The following GTF2H4 variants were observed in gnomAD, a reference collection of about 807,000 sequenced individuals.
GTF2H4 encodes general transcription factor IIH subunit 4.
A neutral mutation model predicts 62.2 loss-of-function variants in GTF2H4; 49 were observed. That is an observed-to-expected ratio of 0.79 (90% CI 0.63 to 1.00). GTF2H4 has a LOEUF of 1.00. Among genes scored for constraint, GTF2H4 ranks in the 50% least tolerant of loss-of-function variants. The pLI is 0.00. For synonymous variants in GTF2H4, 189 were observed against 233.8 expected, an observed-to-expected ratio of 0.81 and a Z score of 1.75; for missense variants, 479 against 587.8, an observed-to-expected ratio of 0.81 and a Z score of 1.91.
At position 30,913,223 on chromosome 6, in the gene GTF2H4, G is replaced by A; in HGVS notation, c.1137+66G>A. The A allele has an allele frequency of 1.2e-6, 2 of 1,612,680 alleles. No individual in the cohort carries two copies. Among genetic ancestry groups the A allele is most frequent in the Non-Finnish European group, 1.7e-6 (2 of 1,178,964 alleles). On this transcript the variant is annotated intron_variant, in intron 12 of 13. Coordinates refer to ENST00000259895, the MANE Select transcript of GTF2H4 (RefSeq NM_001517.5). This position sits in a 1 kb window ranked among gnomAD's most constrained non-coding sequence, Gnocchi z 4.2. ...GATGACATGATGGAAAAGAAAAAGG[G>A]GCATCCAAATCTGGGGAAGAAACAG... is the stretch of plus-strand genomic sequence containing the variant.
At position 30,912,478 on chromosome 6, in the gene GTF2H4, G is replaced by GTGGA. The variant is rs751433423; in HGVS notation, c.1089+21_1089+24dup. ...CAGCAGGTATTCCCACTTGGGAGAG[G>GTGGA]TGGAGCAGGAAGACAGGCTGCACTT... On this transcript the variant is annotated intron_variant, in intron 11 of 13. Transcript: ENST00000259895. This position sits in a 1 kb window ranked among gnomAD's most constrained non-coding sequence, Gnocchi z 4.8. 11 of 1,611,374 alleles carry GTGGA rather than the reference G, an allele frequency of 6.8e-6. 1 individual carries two copies. The highest frequency in any genetic ancestry group is 5.0e-5 in the Admixed American group (3 of 60,010).
Position 30,911,705 on chromosome 6 carries a change from A to C in GTF2H4, c.763A>C (p.Ser255Arg). 6.2e-7 allele frequency: 1 copy of C among 1,612,886 alleles called. No homozygotes were observed. Among genetic ancestry groups the C allele is most frequent in the Non-Finnish European group, 8.5e-7 (1 of 1,179,896 alleles). Residue 255 changes from serine (S) to arginine (R), a missense_variant, in exon 9 of 14, where the codon AGT becomes CGT. Transcript: ENST00000259895. This position sits in a 1 kb window ranked among gnomAD's most constrained non-coding sequence, Gnocchi z 4.3. ...LGKDYSVEGMSDSLLNFLQHL... is the reference protein window; with the variant it reads ...LGKDYSVEGMRDSLLNFLQHL... ...TCAGGATTACTCTGTGGAAGGTATGAGTGATTCTCTGTTGAACTTCCTGCA... is the reference window on the plus strand; with the variant it reads ...TCAGGATTACTCTGTGGAAGGTATGCGTGATTCTCTGTTGAACTTCCTGCA...
At position 30,911,985 on chromosome 6, in the gene GTF2H4, C is replaced by CTTCAG; in HGVS notation, c.826-29_826-28insTTCAG. On this transcript the variant is annotated intron_variant, in intron 9 of 13. Coordinates refer to ENST00000259895, the MANE Select transcript of GTF2H4 (RefSeq NM_001517.5). This position sits in a 1 kb window ranked among gnomAD's most constrained non-coding sequence, Gnocchi z 4.3. The stretch of plus-strand genomic sequence containing the variant: ...AGATGTAAGGCAGTGACTTCTGAGA[C>CTTCAG]AAGGCATCTGCCTTTCTATTCTTTT... The CTTCAG allele has an allele frequency of 1.2e-6, 2 of 1,609,936 alleles. No homozygotes were observed. The highest frequency in any genetic ancestry group is 1.7e-6 in the Non-Finnish European group (2 of 1,178,276).
chr6:30,912,222 G>C lies in GTF2H4; in HGVS notation c.958+76G>C. ...GCCAGTTTATGTTCGTGTTTACCTG[G>C]CAGTCTACAGAGCTCTCTGACATTT... On this transcript the variant is annotated intron_variant, in intron 10 of 13. Transcript: ENST00000259895. The surrounding 1 kb of genome is among the most constrained non-coding windows in gnomAD (Gnocchi z 4.8). 1 of 1,601,728 alleles carries C rather than the reference G, an allele frequency of 6.2e-7. No individual in the cohort carries two copies. The highest frequency in any genetic ancestry group is 1.1e-5 in the South Asian group (1 of 89,766).
At position 30,912,978 on chromosome 6, in the gene GTF2H4, A is replaced by C; in HGVS notation, c.1090-132A>C. ...AACGTGGGATAACAGCTGAACTGGG[A>C]TGGGTGGAGTTGATGACAGGAGTTA... is the stretch of plus-strand genomic sequence containing the variant. On this transcript the variant is annotated intron_variant, in intron 11 of 13. Coordinates refer to ENST00000259895, the MANE Select transcript of GTF2H4 (RefSeq NM_001517.5). This position sits in a 1 kb window ranked among gnomAD's most constrained non-coding sequence, Gnocchi z 4.8. The C allele has an allele frequency of 1.3e-6, 1 of 789,838 alleles. No individual in the cohort carries two copies. Among genetic ancestry groups the C allele is most frequent in the Non-Finnish European group, 2.0e-6 (1 of 487,950 alleles). 48.9% of individuals were successfully genotyped at this position (789,838 alleles called of 1,614,324 possible).
intron 1 of GTF2H4, among the ~76,000 whole-genome samples, 199 bp from the exon 2 acceptor site, chr6:30,908,835 A>G (rs929626323): frequency 6.6e-6 from 1 of 152,202 alleles, no homozygotes; most frequent in Non-Finnish European, 1.5e-5. Flanking sequence ...TGAAGGGCAG[A>G]AATAGGGTGA....
rs540620554 is a variant in GTF2H4 at position 30,910,431 on chromosome 6, G to T, written c.375-234G>T. ...GGCAGCCTCTACCTCCTGGGTTCAAGTGATTCTCCTGCCTCAGCCTCCTGA... is the reference window on the plus strand; with the variant it reads ...GGCAGCCTCTACCTCCTGGGTTCAATTGATTCTCCTGCCTCAGCCTCCTGA... On this transcript the variant is annotated intron_variant, in intron 4 of 13. Coordinates refer to ENST00000259895, the MANE Select transcript of GTF2H4 (RefSeq NM_001517.5). This position sits in a 1 kb window ranked among gnomAD's most constrained non-coding sequence, Gnocchi z 4.7. 7.2e-5 allele frequency among the ~76,000 whole-genome samples: 11 copies of T among 152,266 alleles called. No individual in the cohort carries two copies. The highest frequency in any genetic ancestry group is 2.2e-4 in the African/African-American group (9 of 41,560).
rs779398451 is a variant in GTF2H4, at chr6:30,909,907, A to G, written c.243-25A>G. On this transcript the variant is annotated intron_variant, in intron 3 of 13. Transcript: ENST00000259895. This position sits in a 1 kb window ranked among gnomAD's most constrained non-coding sequence, Gnocchi z 4.3. Reference sequence around the variant, plus strand: ...CTCCTTTTTGTTTTCCAAATACCCTACTCACCTCTCTGCTTCTGTTCCAGG... The same window carrying G: ...CTCCTTTTTGTTTTCCAAATACCCTGCTCACCTCTCTGCTTCTGTTCCAGG... 3.7e-6 allele frequency: 6 copies of G among 1,601,584 alleles called. No individual in the cohort carries two copies. In the Admixed American group the frequency reaches 5.3e-5, roughly 14 times the overall value.
rs748555174 is a variant in GTF2H4, at chr6:30,909,470, G to A, written c.173G>A (p.Arg58Gln). Residue 58 changes from arginine to glutamine, a missense_variant, in exon 3 of 14, where the codon CGG becomes CAG. By Grantham distance (43) the Arg-to-Gln change is conservative. Transcript: ENST00000259895. This position sits in a 1 kb window ranked among gnomAD's most constrained non-coding sequence, Gnocchi z 4.3. ...LPSLAKNWVM[R>Q]MLFLEQPLPQ... is the part of the protein sequence containing the mutation. ...TCCTTGGCTAAGAACTGGGTGATGC[G>A]GATGCTCTTTCTGGAGCAGCCTTTG... 9 of 1,612,810 alleles carry A rather than the reference G, an allele frequency of 5.6e-6. No individual in the cohort carries two copies. Among genetic ancestry groups the A allele is most frequent in the East Asian group, 4.5e-5 (2 of 44,882 alleles).
chr6:30,908,969 A>T, intron 1 of GTF2H4, 65 bp from the exon 2 acceptor site: 1 of 1,585,742 alleles, frequency 6.3e-7, no homozygotes, highest in South Asian at 1.1e-5. Flanking sequence ...GGAATCAGTT[A>T]GAAAGGTCAG....
chr6:30,911,675 G>A lies in GTF2H4; in HGVS notation c.742-9G>A. On this transcript the variant is annotated splice_polypyrimidine_tract_variant and intron_variant, in intron 8 of 13. Coordinates refer to ENST00000259895, the MANE Select transcript of GTF2H4 (RefSeq NM_001517.5). This position sits in a 1 kb window ranked among gnomAD's most constrained non-coding sequence, Gnocchi z 4.3. ...TTTTGGACCCCAGCTGGAAACCTCT[G>A]TTCCTCAGGATTACTCTGTGGAAGG... 1.2e-6 allele frequency: 2 copies of A among 1,608,626 alleles called. No homozygotes were observed. The highest frequency in any genetic ancestry group is 1.7e-6 in the Non-Finnish European group (2 of 1,175,966).
chr6:30,910,141 G>A lies in GTF2H4; in HGVS notation c.374+78G>A. On this transcript the variant is annotated intron_variant, in intron 4 of 13. Transcript: ENST00000259895. This position sits in a 1 kb window ranked among gnomAD's most constrained non-coding sequence, Gnocchi z 4.7. ...AAACCACTAATTAAACTTTGGGAGG[G>A]GGAGCTCCTGGGGGCCTCCCCAGAA... The A allele has an allele frequency of 1.3e-6, 2 of 1,514,942 alleles. No individual in the cohort carries two copies. Among genetic ancestry groups the A allele is most frequent in the South Asian group, 1.2e-5 (1 of 82,000 alleles). 93.8% of individuals were successfully genotyped at this position (1,514,942 alleles called of 1,614,324 possible). A position where few individuals can be genotyped will look rare whatever the true frequency, so the allele number is the denominator to read the frequency against.
chr6:30,912,296 GCCT>G lies in GTF2H4; in HGVS notation c.959-27_959-25del. ...TTGAGGGAGTCTGGGTGTGGGGGTG[GCCT>G]CCTCATCCTCTTTCTATCCCTGGCT... On this transcript the variant is annotated intron_variant, in intron 10 of 13. Coordinates refer to ENST00000259895, the MANE Select transcript of GTF2H4 (RefSeq NM_001517.5). The surrounding 1 kb of genome is among the most constrained non-coding windows in gnomAD (Gnocchi z 4.8). The G allele has an allele frequency of 6.2e-7, 1 of 1,611,338 alleles. No homozygotes were observed. Among genetic ancestry groups the G allele is most frequent in the Non-Finnish European group, 8.5e-7 (1 of 1,179,014 alleles).
In GTF2H4 at chr6:30,912,974, TG is replaced by T; in HGVS notation, c.1090-133del. The T allele has an allele frequency of 1.3e-6, 1 of 762,394 alleles. No individual in the cohort carries two copies. The highest frequency in any genetic ancestry group is 2.1e-6 in the Non-Finnish European group (1 of 469,742). 47.2% of individuals were successfully genotyped at this position (762,394 alleles called of 1,614,324 possible). A position where few individuals can be genotyped will look rare whatever the true frequency, so the allele number is the denominator to read the frequency against. ...CAGCAACGTGGGATAACAGCTGAAC[TG>T]GGATGGGTGGAGTTGATGACAGGAG... is the stretch of plus-strand genomic sequence containing the variant. On this transcript the variant is annotated intron_variant, in intron 11 of 13. Coordinates refer to ENST00000259895, the MANE Select transcript of GTF2H4 (RefSeq NM_001517.5). This position sits in a 1 kb window ranked among gnomAD's most constrained non-coding sequence, Gnocchi z 4.8.
Position 30,912,265 on chromosome 6 carries a change from A to ATT in GTF2H4, c.959-63_959-62insTT. Reference sequence around the variant, plus strand: ...TGACATTTCTCATGACACTTGAAAGAAGGGCTTGAGGGAGTCTGGGTGTGG... The same window carrying ATT: ...TGACATTTCTCATGACACTTGAAAGATTAGGGCTTGAGGGAGTCTGGGTGTGG... On this transcript the variant is annotated intron_variant, in intron 10 of 13. Coordinates refer to ENST00000259895, the MANE Select transcript of GTF2H4 (RefSeq NM_001517.5). The surrounding 1 kb of genome is among the most constrained non-coding windows in gnomAD (Gnocchi z 4.8). 6.2e-7 allele frequency: 1 copy of ATT among 1,604,334 alleles called. No homozygotes were observed. Among genetic ancestry groups the ATT allele is most frequent in the Non-Finnish European group, 8.5e-7 (1 of 1,174,468 alleles).
Position 30,913,328 on chromosome 6 carries a change from C to T in GTF2H4, c.1157C>T (p.Thr386Ile), listed in dbSNP as rs778364497. The change falls in exon 13 of 14, where the codon ACC (threonine) becomes ATC (isoleucine). Residue 386 changes from threonine to isoleucine, a missense_variant. Transcript: ENST00000259895. The surrounding 1 kb of genome is among the most constrained non-coding windows in gnomAD (Gnocchi z 4.2). ...TTGCAGACACCTGTGCTGCCCCCCA[C>T]CATCACCGACCAGATCCGGCTCTGG... is the stretch of plus-strand genomic sequence containing the variant. ...MLKQTPVLPP[T>I]ITDQIRLWEL... 1.2e-6 allele frequency: 2 copies of T among 1,613,526 alleles called. No individual in the cohort carries two copies. Among genetic ancestry groups the T allele is most frequent in the Non-Finnish European group, 8.5e-7 (1 of 1,180,022 alleles).
At position 30,909,254 on chromosome 6, in the gene GTF2H4, C is replaced by A; in HGVS notation, c.137+81C>A. ...ATATCATAGGTAAAAGTGTAGCAGC[C>A]TGGAGTCGGGGTGGGGACTGGGGGC... On this transcript the variant is annotated intron_variant, in intron 2 of 13. Coordinates refer to ENST00000259895, the MANE Select transcript of GTF2H4 (RefSeq NM_001517.5). This position sits in a 1 kb window ranked among gnomAD's most constrained non-coding sequence, Gnocchi z 4.3. 1 of 1,496,468 alleles carries A rather than the reference C, an allele frequency of 6.7e-7. No individual in the cohort carries two copies. 92.7% of individuals were successfully genotyped at this position (1,496,468 alleles called of 1,614,324 possible).
At position 30,909,312 on chromosome 6, in the gene GTF2H4, C is replaced by T; in HGVS notation, c.138-123C>T. 1 of 1,242,462 alleles carries T rather than the reference C, an allele frequency of 8.0e-7. No homozygotes were observed. The highest frequency in any genetic ancestry group is 1.1e-6 in the Non-Finnish European group (1 of 885,480). 77.0% of individuals were successfully genotyped at this position (1,242,462 alleles called of 1,614,324 possible). A position where few individuals can be genotyped will look rare whatever the true frequency, so the allele number is the denominator to read the frequency against. Reference sequence around the variant, plus strand: ...GGAAATTGCTCTAAAGTGTGGAGGCCAAAACAGCAGGACTGGTAAAGTTGT... The same window carrying T: ...GGAAATTGCTCTAAAGTGTGGAGGCTAAAACAGCAGGACTGGTAAAGTTGT... On this transcript the variant is annotated intron_variant, in intron 2 of 13. Coordinates refer to ENST00000259895, the MANE Select transcript of GTF2H4 (RefSeq NM_001517.5). This position sits in a 1 kb window ranked among gnomAD's most constrained non-coding sequence, Gnocchi z 4.3.
chr6:30,909,314 A>G lies in GTF2H4; in HGVS notation c.138-121A>G. The G allele has an allele frequency of 8.1e-7, 1 of 1,235,168 alleles. No homozygotes were observed. The highest frequency in any genetic ancestry group is 1.1e-6 in the Non-Finnish European group (1 of 877,708). The allele number at this position is 1,235,168 out of a possible 1,614,324, so 76.5% of individuals were successfully genotyped here. A position where few individuals can be genotyped will look rare whatever the true frequency, so the allele number is the denominator to read the frequency against. ...AAATTGCTCTAAAGTGTGGAGGCCA[A>G]AACAGCAGGACTGGTAAAGTTGTGC... On this transcript the variant is annotated intron_variant, in intron 2 of 13. Transcript: ENST00000259895. This position sits in a 1 kb window ranked among gnomAD's most constrained non-coding sequence, Gnocchi z 4.3.
Sources: gnomAD v4.1 joint callset for allele counts (sites outside exome capture counted in the v4.1 genomes callset) on GRCh38, gnomAD v4.1.1 for gene constraint, Gnocchi (gnomAD v3.1) non-coding constraint, MANE v1.5 for transcripts, NCBI Gene and HGNC (gene_info 2026-07-23, HGNC 2026-07-21) for gene names.